The following CACNB2 variants were observed in gnomAD, a reference collection of about 807,000 sequenced individuals.
The protein encoded by CACNB2 is calcium voltage-gated channel auxiliary subunit beta 2.
CACNB2 carries 42 observed loss-of-function variants against 73.3 expected under a neutral mutation model. The observed-to-expected ratio is 0.57, with a 90% CI of 0.45 to 0.74. The LOEUF (loss-of-function observed/expected upper bound fraction) is 0.74. Ranked by LOEUF, CACNB2 falls within the 30% of genes least tolerant of loss-of-function variation. CACNB2 has a pLI of 0.00. For synonymous variants in CACNB2, 348 were observed against 310.3 expected (o/e 1.12, Z -1.28); for missense variants, 940 against 853.0 (o/e 1.10, Z -1.27).
chr10:18,143,733 G>C (rs2030674560), intron 1 of CACNB2, among the ~76,000 whole-genome samples: 1 of 152,176 alleles, frequency 6.6e-6, no homozygotes, highest in African/African-American at 2.4e-5. Flanking sequence ...AAGGAGGCTG[G>C]CTCTAGAGCA....
chr10:18,302,420 G>A (rs1210043445), intron 2 of CACNB2, among the ~76,000 whole-genome samples: 1 of 152,140 alleles, frequency 6.6e-6, no homozygotes, highest in African/African-American at 2.4e-5. Flanking sequence ...AGCAGAATTC[G>A]CAATTGCAAA....
At chr10:18,177,165 A>G (rs10828295) in intron 2 of CACNB2, among the ~76,000 whole-genome samples, 47,171 of 151,992 alleles carry the variant, frequency 0.31, 7,925 homozygotes, top group African/African-American at 0.44. Context: ...AATCATGTGC[A>G]TATACATGTA....
At chr10:18,189,035 C>T (rs1044714698) in intron 2 of CACNB2, among the ~76,000 whole-genome samples, 1 of 152,154 alleles carries the variant, frequency 6.6e-6, no homozygotes, top group Non-Finnish European at 1.5e-5. Context: ...TCATATAGCT[C>T]ACTGCAGCCT....
intron 3 of CACNB2, among the ~76,000 whole-genome samples, chr10:18,402,596 A>C (rs2044064952): frequency 6.6e-6 from 1 of 152,190 alleles, no homozygotes; most frequent in South Asian, 2.1e-4. Context: ...TCTCCATTCC[A>C]TCTTAATAAA....
intron 2 of CACNB2, among the ~76,000 whole-genome samples, chr10:18,170,040 T>C: frequency 6.6e-6 from 1 of 152,216 alleles, no homozygotes; most frequent in East Asian, 1.9e-4. Context: ...ACTTTCTTCC[T>C]GGTTCATACT....
At chr10:18,226,150 C>G (rs1453276098) in intron 2 of CACNB2, among the ~76,000 whole-genome samples, 1 of 152,014 alleles carries the variant, frequency 6.6e-6, no homozygotes, top group Non-Finnish European at 1.5e-5. Context: ...CCTCATCCTC[C>G]CTGGTAGCTG....
At chr10:18,248,004 C>A (rs1366106200) in intron 2 of CACNB2, among the ~76,000 whole-genome samples, 1 of 152,156 alleles carries the variant, frequency 6.6e-6, no homozygotes, top group Non-Finnish European at 1.5e-5. Flanking sequence ...GGTGCTTAAT[C>A]CCAATCATGA....
At chr10:18,474,121 A>G (rs961616925) in intron 3 of CACNB2, among the ~76,000 whole-genome samples, 1 of 152,232 alleles carries the variant, frequency 6.6e-6, no homozygotes, top group African/African-American at 2.4e-5. Flanking sequence ...CTGAAAACAT[A>G]TAATTATAGT....
At chr10:18,432,635 A>G (rs2045944568) in intron 3 of CACNB2, among the ~76,000 whole-genome samples, 1 of 152,156 alleles carries the variant, frequency 6.6e-6, no homozygotes, top group South Asian at 2.1e-4. Flanking sequence ...GGAGTTCCAG[A>G]CCAGCCTGGG....
At chr10:18,341,011 CG>C in intron 2 of CACNB2, 2 of 1,606,898 alleles carry the variant, frequency 1.2e-6, no homozygotes. Flanking sequence ...GCCAGATGCA[CG>C]GTGCGGTTTA....
chr10:18,505,726 G>C (rs1191739859), intron 5 of CACNB2, among the ~76,000 whole-genome samples: 1 of 152,184 alleles, frequency 6.6e-6, no homozygotes, highest in Non-Finnish European at 1.5e-5. Flanking sequence ...TAGTAGGCTG[G>C]TGAAAAACAC....
At chr10:18,367,771 G>A (rs1205159445) in intron 2 of CACNB2, among the ~76,000 whole-genome samples, 1 of 152,090 alleles carries the variant, frequency 6.6e-6, no homozygotes, top group African/African-American at 2.4e-5. Flanking sequence ...ATACATTTTT[G>A]AAATTGTAGA....
chr10:18,439,320 C>T (rs981200832), intron 3 of CACNB2, among the ~76,000 whole-genome samples: 2 of 152,172 alleles, frequency 1.3e-5, no homozygotes, highest in African/African-American at 4.8e-5. Flanking sequence ...CATGCCAACT[C>T]ACCATCTCCA....
chr10:18,263,737 C>T (rs2037661610), intron 2 of CACNB2, among the ~76,000 whole-genome samples: 2 of 152,236 alleles, frequency 1.3e-5, no homozygotes, highest in South Asian at 2.1e-4. Context: ...CCTTTCTAAG[C>T]TGTTGCTTTT....
At position 18,450,654 on chromosome 10, in the gene CACNB2, ACT is replaced by A. The variant is rs1156376642; in HGVS notation, c.334-47698_334-47697del. On this transcript the variant is annotated intron_variant, in intron 3 of 13. Transcript: ENST00000324631. ...TTTTTTTTTTTTTTTGAGGAGTCTA[ACT>A]CTGTCACTCAGGCTGGAGTATGGTG... Among the ~76,000 whole-genome samples, 7 of 144,084 alleles carry A rather than the reference ACT, an allele frequency of 4.9e-5. No individual in the cohort carries two copies. In the East Asian group the frequency reaches 1.4e-3, roughly 29 times the overall value. The allele number at this position is 144,084 out of a possible 152,430, so 94.5% of individuals were successfully genotyped here.
intron 3 of CACNB2, among the ~76,000 whole-genome samples, chr10:18,423,514 G>A (rs1035879264): frequency 1.3e-5 from 2 of 152,126 alleles, no homozygotes; most frequent in Non-Finnish European, 2.9e-5. Flanking sequence ...CCCAGTTCCT[G>A]CAAAGCTGTT....
chr10:18,223,208 C>T (rs1172272037), intron 2 of CACNB2, among the ~76,000 whole-genome samples: 2 of 152,192 alleles, frequency 1.3e-5, no homozygotes, highest in Non-Finnish European at 2.9e-5. Flanking sequence ...TTAATCCCTA[C>T]ATATCTGGTC....
intron 2 of CACNB2, among the ~76,000 whole-genome samples, chr10:18,176,567 T>A (rs1360459): frequency 0.086 from 13,029 of 151,662 alleles, 651 homozygotes; most frequent in East Asian, 0.13. Flanking sequence ...AAAGTCACAA[T>A]TCCTATAGTT....
At chr10:18,325,689 C>CCCTCCCTCCCTCCCTCCGTCCCTTCCTT (rs1421437684) in intron 2 of CACNB2, among the ~76,000 whole-genome samples, 1 of 89,224 alleles carries the variant, frequency 1.1e-5, no homozygotes, top group Non-Finnish European at 2.4e-5. Flanking sequence ...CTCCCTCCCT[C>CCCTCCCTCCCTCCCTCCGTCCCTTCCTT]CCTTCCTTCC....
Sources: gnomAD v4.1 joint callset for allele counts (sites outside exome capture counted in the v4.1 genomes callset) on GRCh38, gnomAD v4.1.1 for gene constraint, MANE v1.5 for transcripts, NCBI Gene and HGNC (gene_info 2026-07-23, HGNC 2026-07-21) for gene names.